The following GABRB1 variants were observed in gnomAD, a reference collection of about 807,000 sequenced individuals.
GABRB1 encodes gamma-aminobutyric acid receptor subunit beta-1.
In GABRB1, 17 loss-of-function variants were observed where a neutral mutation model predicts 51.6. That is an observed-to-expected ratio of 0.33 (90% CI 0.23 to 0.49). The LOEUF is 0.49. Ranked by LOEUF, GABRB1 falls within the 20% of genes least tolerant of loss-of-function variation. The probability of loss-of-function intolerance (pLI) is 0.99; values close to 1 mark genes in which losing one functional copy is unlikely to be tolerated. For missense variants in GABRB1, 410 were observed against 600.6 expected (o/e 0.68, Z 3.32); for synonymous variants, 247 against 218.9 (o/e 1.13, Z -1.14).
chr4:47,235,609 G>T (rs1449908053), intron 4 of GABRB1, among the ~76,000 whole-genome samples: 1 of 151,138 alleles, frequency 6.6e-6, no homozygotes, highest in Admixed American at 6.6e-5. Context: ...AAACTCTTTG[G>T]GAAGATAGAA....
chr4:47,419,634 C>A (rs10155173), intron 8 of GABRB1, among the ~76,000 whole-genome samples: 75,521 of 152,024 alleles, frequency 0.5, 21,599 homozygotes, highest in African/African-American at 0.8. Flanking sequence ...AAAATGAGGG[C>A]CATGATGTTC....
intron 4 of GABRB1, among the ~76,000 whole-genome samples, chr4:47,218,509 T>A (rs1269165236): frequency 1.3e-5 from 2 of 151,942 alleles, no homozygotes; most frequent in South Asian, 2.1e-4. Context: ...CTTTTTTGTC[T>A]TTTTGATTAT....
intron 5 of GABRB1, among the ~76,000 whole-genome samples, chr4:47,365,239 CACAG>C (rs1298567253): frequency 2.0e-5 from 3 of 152,220 alleles, no homozygotes; most frequent in Non-Finnish European, 4.4e-5. Context: ...AATTAAGAGA[CACAG>C]ACAGAAGCTT....
intron 3 of GABRB1, among the ~76,000 whole-genome samples, chr4:47,085,496 A>G (rs1399698987): frequency 1.3e-5 from 2 of 152,218 alleles, no homozygotes; most frequent in East Asian, 1.9e-4. Context: ...CAATAGAAAT[A>G]CTTTCCATAT....
At chr4:47,101,086 TG>T (rs1410921250) in intron 3 of GABRB1, among the ~76,000 whole-genome samples, 4 of 151,940 alleles carry the variant, frequency 2.6e-5, no homozygotes, top group Non-Finnish European at 4.4e-5. Context: ...CTGCACACAA[TG>T]GAAGTTTTAC....
chr4:47,247,983 C>T (rs1425914577), intron 4 of GABRB1, among the ~76,000 whole-genome samples: 1 of 152,080 alleles, frequency 6.6e-6, no homozygotes, highest in Admixed American at 6.6e-5. Context: ...TTCCTCTTTA[C>T]TGATTTGGAT....
chr4:47,314,554 C>T (rs996618944), intron 4 of GABRB1, among the ~76,000 whole-genome samples: 3 of 151,976 alleles, frequency 2.0e-5, no homozygotes, highest in South Asian at 2.1e-4. Flanking sequence ...TCAAATAACA[C>T]TCTCAAGTAT....
intron 3 of GABRB1, among the ~76,000 whole-genome samples, chr4:47,121,850 T>C (rs1164716893): frequency 6.6e-6 from 1 of 152,098 alleles, no homozygotes; most frequent in Admixed American, 6.5e-5. Flanking sequence ...GGAAACAAAA[T>C]ATGTTTTATC....
At chr4:47,039,392 G>T (rs1725735285) in intron 3 of GABRB1, among the ~76,000 whole-genome samples, 1 of 148,832 alleles carries the variant, frequency 6.7e-6, no homozygotes, top group East Asian at 2.0e-4. Flanking sequence ...AACTAGATAT[G>T]GTCTCTGTTC....
chr4:47,370,263 T>C (rs1727141850), intron 5 of GABRB1, among the ~76,000 whole-genome samples: 2 of 151,702 alleles, frequency 1.3e-5, no homozygotes, highest in Admixed American at 6.6e-5. Context: ...CCGAGGCGAG[T>C]GGATCACAAA....
At chr4:47,024,188 G>T (rs1354542557) in intron 1 of GABRB1, among the ~76,000 whole-genome samples, 3 of 151,694 alleles carry the variant, frequency 2.0e-5, no homozygotes, top group African/African-American at 4.8e-5. Flanking sequence ...TGTACTCTTG[G>T]ATGCTTTTAT....
At chr4:47,258,419 T>A (rs1235815810) in intron 4 of GABRB1, among the ~76,000 whole-genome samples, 1 of 152,184 alleles carries the variant, frequency 6.6e-6, no homozygotes, top group African/African-American at 2.4e-5. Context: ...TTTAAATATA[T>A]TAGTTCCCAT....
At chr4:47,425,377 C>CCACACACACACA (rs34275303) in intron 8 of GABRB1, among the ~76,000 whole-genome samples, 7 of 138,394 alleles carry the variant, frequency 5.1e-5, no homozygotes, top group African/African-American at 1.4e-4. Context: ...AGAAGAAATA[C>CCACACACACACA]CACACACACA....
intron 4 of GABRB1, among the ~76,000 whole-genome samples, chr4:47,216,422 T>G (rs902282788): frequency 6.6e-6 from 1 of 151,958 alleles, no homozygotes; most frequent in Non-Finnish European, 1.5e-5. Flanking sequence ...ATTAAGCAGT[T>G]GTCTCAGAAT....
intron 3 of GABRB1, among the ~76,000 whole-genome samples, chr4:47,139,755 A>C (rs886656740): frequency 6.6e-6 from 1 of 151,992 alleles, no homozygotes; most frequent in Non-Finnish European, 1.5e-5. Flanking sequence ...CTTTAATGTA[A>C]ATATGAATCA....
At chr4:47,144,972 T>C (rs1408519097) in intron 3 of GABRB1, among the ~76,000 whole-genome samples, 1 of 151,568 alleles carries the variant, frequency 6.6e-6, no homozygotes, top group African/African-American at 2.4e-5. Context: ...TAATGGGAGA[T>C]TAATTTGATT....
chr4:47,413,645 G>T (rs567900343), intron 8 of GABRB1, among the ~76,000 whole-genome samples: 2 of 152,258 alleles, frequency 1.3e-5, no homozygotes, highest in African/African-American at 2.4e-5. Flanking sequence ...TCATTTGAGG[G>T]ATTTCCTCAG....
At chr4:47,167,303 C>T (rs1045592029) in intron 4 of GABRB1, among the ~76,000 whole-genome samples, 1 of 152,060 alleles carries the variant, frequency 6.6e-6, no homozygotes, top group Admixed American at 6.6e-5. Flanking sequence ...CTCCAAGCCC[C>T]AGCCATGTGC....
rs1226797650 is a variant in GABRB1 at position 47,232,791 on chromosome 4, G to A, written c.461+71322G>A. 2.0e-5 allele frequency among the ~76,000 whole-genome samples: 3 copies of A among 151,678 alleles called. No individual in the cohort carries two copies. The East Asian group carries it at 5.8e-4, about 29-fold the overall frequency. ...CCAAAAGGTCATCAAATTCTTCAGA[G>A]TCTACTTCAAAAATGATTCTCAAAT... On this transcript the variant is annotated intron_variant, in intron 4 of 8. Transcript: ENST00000295454.
Sources: allele counts gnomAD v4.1 joint callset (sites outside exome capture counted in the v4.1 genomes callset), GRCh38; gene constraint gnomAD v4.1.1; transcripts MANE v1.5; gene names NCBI Gene and HGNC (gene_info 2026-07-23, HGNC 2026-07-21).